Variants in KCNH7 observed in about 807,000 individuals in gnomAD.
The protein encoded by KCNH7 is voltage-gated inwardly rectifying potassium channel KCNH7.
In KCNH7, 49 loss-of-function variants were observed where a neutral mutation model predicts 120.8. That is an observed-to-expected ratio of 0.41 (90% confidence interval 0.32 to 0.51). The LOEUF (loss-of-function observed/expected upper bound fraction) is 0.51, where lower values mean the gene tolerates loss of function less well. Ranked by LOEUF, KCNH7 falls within the 20% of genes least tolerant of loss-of-function variation. The pLI, the probability that KCNH7 is intolerant of heterozygous loss-of-function variation, is 0.38. For missense variants in KCNH7, 1,097 were observed against 1,446.6 expected, an observed-to-expected ratio of 0.76 and a Z score of 3.92; for synonymous variants, 547 against 516.1, an observed-to-expected ratio of 1.06 and a Z score of -0.81.
At chr2:162,376,355 CAA>C (rs921438735) in intron 14 of KCNH7, among the ~76,000 whole-genome samples, 2 of 149,712 alleles carry the variant, frequency 1.3e-5, no homozygotes, top group African/African-American at 5.0e-5. Flanking sequence ...CTTCCCTACT[CAA>C]AGTGTGGTTT....
chr2:162,788,209 C>T (rs1283915193), intron 2 of KCNH7, among the ~76,000 whole-genome samples: 1 of 152,142 alleles, frequency 6.6e-6, no homozygotes, highest in Non-Finnish European at 1.5e-5. Flanking sequence ...TGATGGTTGA[C>T]TTATGACTTT....
intron 6 of KCNH7, among the ~76,000 whole-genome samples, chr2:162,461,750 C>T (rs1689152341): frequency 6.6e-6 from 1 of 152,080 alleles, no homozygotes; most frequent in African/African-American, 2.4e-5. Flanking sequence ...TTGTAAAAGC[C>T]CTCAAACACT....
chr2:162,690,617 C>T (rs1686067600), intron 2 of KCNH7, among the ~76,000 whole-genome samples: 1 of 152,078 alleles, frequency 6.6e-6, no homozygotes, highest in Admixed American at 6.6e-5. Context: ...GTAAGAGAAG[C>T]ATTACTATCT....
At chr2:162,431,922 T>C (rs1303662087) in intron 8 of KCNH7, among the ~76,000 whole-genome samples, 1 of 151,966 alleles carries the variant, frequency 6.6e-6, no homozygotes, top group African/African-American at 2.4e-5. Flanking sequence ...AGAACTGAGC[T>C]ATCTTCAATT....
intron 2 of KCNH7, among the ~76,000 whole-genome samples, chr2:162,768,347 T>A (rs1682905502): frequency 6.6e-6 from 1 of 150,978 alleles, no homozygotes; most frequent in South Asian, 2.1e-4. Context: ...TTTTTTTTTA[T>A]AAATTGTGCC....
intron 2 of KCNH7, among the ~76,000 whole-genome samples, chr2:162,638,576 G>C (rs1684041645): frequency 6.6e-6 from 1 of 152,000 alleles, no homozygotes; most frequent in South Asian, 2.1e-4. Context: ...AAAGTAACCA[G>C]CATCTAAGAT....
chr2:162,570,780 A>G (rs1283301548), intron 2 of KCNH7, among the ~76,000 whole-genome samples: 1 of 152,098 alleles, frequency 6.6e-6, no homozygotes, highest in Non-Finnish European at 1.5e-5. Flanking sequence ...TATAAACAGA[A>G]CCAAAGATAA....
chr2:162,803,900 C>G (rs757361602), intron 2 of KCNH7, among the ~76,000 whole-genome samples: 1 of 147,690 alleles, frequency 6.8e-6, no homozygotes, highest in African/African-American at 2.5e-5. Context: ...TTATGACATG[C>G]CTGAGTGTTT....
intron 2 of KCNH7, among the ~76,000 whole-genome samples, chr2:162,681,114 A>G (rs1254981089): frequency 6.8e-6 from 1 of 147,980 alleles, no homozygotes; most frequent in African/African-American, 2.5e-5. Flanking sequence ...AGAATTTTTA[A>G]TTTGTGAAAA....
intron 2 of KCNH7, among the ~76,000 whole-genome samples, chr2:162,567,873 C>A (rs535448366): frequency 6.6e-6 from 1 of 152,030 alleles, no homozygotes; most frequent in Admixed American, 6.6e-5. Flanking sequence ...GATTATAATA[C>A]CATATTTTTA....
chr2:162,493,138 G>C (rs1690379235), intron 6 of KCNH7, among the ~76,000 whole-genome samples: 1 of 151,762 alleles, frequency 6.6e-6, no homozygotes, highest in Non-Finnish European at 1.5e-5. Context: ...CCTGCTTTTT[G>C]GCCTGGGAAA....
chr2:162,772,559 TCCATTGG>T (rs1365551566), intron 2 of KCNH7, among the ~76,000 whole-genome samples: 1 of 152,176 alleles, frequency 6.6e-6, no homozygotes, highest in Non-Finnish European at 1.5e-5. Flanking sequence ...TCTCCCTTTT[TCCATTGG>T]CCACAAGTAT....
At chr2:162,510,837 C>G (rs1243932826) in intron 5 of KCNH7, among the ~76,000 whole-genome samples, 1 of 151,608 alleles carries the variant, frequency 6.6e-6, no homozygotes, top group Non-Finnish European at 1.5e-5. Context: ...GAGGCAGACA[C>G]TTAAACATTG....
intron 2 of KCNH7, among the ~76,000 whole-genome samples, chr2:162,804,594 T>C (rs1368437678): frequency 1.3e-5 from 2 of 151,808 alleles, no homozygotes; most frequent in Non-Finnish European, 2.9e-5. Flanking sequence ...AAAGAATTCA[T>C]AGATGACACA....
chr2:162,695,542 A>G (rs1686261429), intron 2 of KCNH7, among the ~76,000 whole-genome samples: 1 of 152,178 alleles, frequency 6.6e-6, no homozygotes. Context: ...TGTGCTGAGG[A>G]AAGTCACTGG....
At chr2:162,518,463 C>T (rs1405848594) in intron 3 of KCNH7, among the ~76,000 whole-genome samples, 2 of 151,810 alleles carry the variant, frequency 1.3e-5, no homozygotes, top group Non-Finnish European at 2.9e-5. Context: ...ATCCACTATA[C>T]ATCCACTTTT....
At chr2:162,408,096 A>G (rs755488551) in intron 9 of KCNH7, among the ~76,000 whole-genome samples, 5 of 151,958 alleles carry the variant, frequency 3.3e-5, no homozygotes, top group Non-Finnish European at 7.4e-5. Context: ...CTCCAAACTT[A>G]CTCCAGGGCT....
At chr2:162,438,419 A>G (rs946821017) in intron 7 of KCNH7, among the ~76,000 whole-genome samples, 4 of 152,176 alleles carry the variant, frequency 2.6e-5, no homozygotes, top group African/African-American at 7.2e-5. Flanking sequence ...GTGCATAGTA[A>G]CATACAAGTG....
intron 5 of KCNH7, among the ~76,000 whole-genome samples, chr2:162,505,837 A>C (rs1690858571): frequency 6.6e-6 from 1 of 151,840 alleles, no homozygotes; most frequent in African/African-American, 2.4e-5. Flanking sequence ...TCGGGATCAA[A>C]ATGTACTTTA....
Sources: gnomAD v4.1 joint callset for allele counts (sites outside exome capture counted in the v4.1 genomes callset) on GRCh38, gnomAD v4.1.1 for gene constraint, MANE v1.5 for transcripts, NCBI Gene and HGNC (gene_info 2026-07-23, HGNC 2026-07-21) for gene names.